Variants in MYO1F observed in about 807,000 individuals in gnomAD.
MYO1F encodes myosin IF.
A neutral mutation model predicts 146.6 loss-of-function variants in MYO1F; 60 were observed. The observed-to-expected ratio is 0.41, with a 90% CI of 0.33 to 0.51. MYO1F has a LOEUF of 0.51. Ranked by LOEUF, MYO1F falls within the 20% of genes least tolerant of loss-of-function variation. The pLI is 0.25. For missense variants in MYO1F, 1,274 were observed against 1,534.3 expected, an observed-to-expected ratio of 0.83 and a Z score of 2.83; for synonymous variants, 602 against 602.1, an observed-to-expected ratio of 1.00 and a Z score of 0.00.
In MYO1F at chr19:8,541,843, C is replaced by T. The variant is rs142090633; in HGVS notation, c.1610+63G>A. The T allele has an allele frequency of 1.7e-4, 249 of 1,471,186 alleles. No individual in the cohort carries two copies. In the African/African-American group the frequency reaches 2.4e-3, roughly 14 times the overall value. The allele number at this position is 1,471,186 out of a possible 1,614,324, so 91.1% of individuals were successfully genotyped here. ...GTTCTGGGTAAGATGGAGTGGGGCC[C>T]GGTCCTCCCTCCATCCCCTTGGGGG... On this transcript the variant is annotated intron_variant, in intron 15 of 27. Transcript: ENST00000644032.
At chr19:8,532,252 G>A (rs986689651) in intron 19 of MYO1F, among the ~76,000 whole-genome samples, 4 of 152,158 alleles carry the variant, frequency 2.6e-5, no homozygotes, top group South Asian at 2.1e-4. Flanking sequence ...ACAGCCATCC[G>A]TAGCAGGCCC....
chr19:8,542,242 AG>A (rs1270969165), intron 14 of MYO1F, among the ~76,000 whole-genome samples: 1 of 141,204 alleles, frequency 7.1e-6, no homozygotes, highest in Non-Finnish European at 1.5e-5. Context: ...GTCAGAGGTA[AG>A]GGGAGGTGGG....
chr19:8,535,583 A>C (rs1972669553), intron 19 of MYO1F, among the ~76,000 whole-genome samples: 1 of 150,462 alleles, frequency 6.6e-6, no homozygotes, highest in Non-Finnish European at 1.5e-5. Context: ...TGCTAGTTTT[A>C]TTTTGCCTTT....
At chr19:8,575,327 G>A (rs2042220646) in intron 1 of MYO1F, among the ~76,000 whole-genome samples, 1 of 151,670 alleles carries the variant, frequency 6.6e-6, no homozygotes, top group Non-Finnish European at 1.5e-5. Flanking sequence ...TGCCCGCCTC[G>A]GCCTCCCAAA....
chr19:8,536,725 GT>G, intron 17 of MYO1F, 128 bp from the exon 18 acceptor site: 1 of 290,132 alleles, frequency 3.4e-6, no homozygotes, highest in Middle Eastern at 1.3e-3. Context: ...TGGGGGGTGA[GT>G]TCTGTGGTCT....
At chr19:8,526,739 C>T (rs1036633018) in intron 23 of MYO1F, 50 bp downstream of exon 23, 6 of 1,550,704 alleles carry the variant, frequency 3.9e-6, no homozygotes, top group Non-Finnish European at 5.2e-6. Flanking sequence ...GGAGAGGGTG[C>T]GCCGCGCCGA....
chr19:8,553,572 A>G, intron 4 of MYO1F, 135 bp from the exon 5 acceptor site: 3 of 735,972 alleles, frequency 4.1e-6, no homozygotes, highest in South Asian at 1.6e-5. Context: ...TGAACAAGAC[A>G]GATAAAATCT....
chr19:8,536,450 G>A (rs755109803), intron 18 of MYO1F, 49 bp downstream of exon 18: 1 of 1,609,108 alleles, frequency 6.2e-7, no homozygotes, highest in South Asian at 1.1e-5. Context: ...GGCCTGGCTG[G>A]GCGTTCTGAT....
chr19:8,562,150 C>T (rs934955928), intron 1 of MYO1F, among the ~76,000 whole-genome samples: 6 of 148,074 alleles, frequency 4.1e-5, no homozygotes, highest in Admixed American at 2.7e-4. Context: ...TTCTCCTGCC[C>T]GGCTAATTTT....
At chr19:8,534,655 T>G (rs1333209997) in intron 19 of MYO1F, among the ~76,000 whole-genome samples, 1 of 151,466 alleles carries the variant, frequency 6.6e-6, no homozygotes, top group Non-Finnish European at 1.5e-5. Context: ...AGATGGAGTC[T>G]CACTCTGTTG....
rs373905703 is a variant in MYO1F, at chr19:8,522,562, G to C, written c.3051-16C>G. ...CCTCTGCATGCTGTGGGCACAGGGG[G>C]TTTGAGTCACAGCCCCAGACACTCC... On this transcript the variant is annotated splice_polypyrimidine_tract_variant and intron_variant, in intron 26 of 27. Coordinates refer to ENST00000644032, the MANE Select transcript of MYO1F (RefSeq NM_012335.4). The C allele has an allele frequency of 6.2e-6, 10 of 1,609,872 alleles. No homozygotes were observed. Among genetic ancestry groups the C allele is most frequent in the Non-Finnish European group, 8.5e-6 (10 of 1,178,566 alleles).
chr19:8,547,835 G>T, intron 12 of MYO1F: 1 of 590,160 alleles, frequency 1.7e-6, no homozygotes, highest in Non-Finnish European at 3.0e-6. Context: ...ATTGCTGAAT[G>T]AATGAACTAA....
intron 13 of MYO1F, 104 bp from the exon 14 acceptor site, chr19:8,544,568 G>A (rs1316742676): frequency 8.3e-7 from 1 of 1,203,058 alleles, no homozygotes; most frequent in African/African-American, 1.5e-5. Flanking sequence ...GAGGAGTGGA[G>A]GGAGCTAGAG....
Position 8,536,840 on chromosome 19 carries a change from G to A in MYO1F, c.1799+109C>T, listed in dbSNP as rs1237596786. 5.2e-6 allele frequency: 4 copies of A among 773,280 alleles called. No homozygotes were observed. In the Admixed American group the frequency reaches 6.0e-5, roughly 12 times the overall value. The allele number at this position is 773,280 out of a possible 1,614,324, so 47.9% of individuals were successfully genotyped here. On this transcript the variant is annotated intron_variant, in intron 17 of 27. Transcript: ENST00000644032. ...GGTGGGGGATTGTGGGAGGGGCTGT[G>A]CTAGTCCCTGGGTCATCCTACAGGA...
In MYO1F at chr19:8,543,978, CTGGTGCTGGTGG is replaced by C. The variant is rs1433599615; in HGVS notation, c.1524+307_1524+318del. 1,494 of 166,982 alleles carry C rather than the reference CTGGTGCTGGTGG, an allele frequency of 8.9e-3. 10 individuals carry two copies. Among genetic ancestry groups the C allele is most frequent in the South Asian group, 0.023 (485 of 21,050 alleles). The allele number at this position is 166,982 out of a possible 1,614,324, so 10.3% of individuals were successfully genotyped here. A position where few individuals can be genotyped will look rare whatever the true frequency, so the allele number is the denominator to read the frequency against. On this transcript the variant is annotated intron_variant, in intron 14 of 27. Transcript: ENST00000644032. ...GGTGGTGGTGGTGGTGGTGCTGGTG[CTGGTGCTGGTGG>C]TGGTGCTGGTGGTGGCGGTGGCGGT...
intron 1 of MYO1F, among the ~76,000 whole-genome samples, chr19:8,563,727 G>T (rs1165847160): frequency 1.3e-5 from 2 of 151,814 alleles, no homozygotes; most frequent in Middle Eastern, 3.4e-3. Flanking sequence ...GGTCAGGCTG[G>T]TCTGGAACTC....
Position 8,530,527 on chromosome 19 carries a change from G to A in MYO1F, c.2090C>T (p.Ala697Val), listed in dbSNP as rs1177544539. 1 of 1,613,338 alleles carries A rather than the reference G, an allele frequency of 6.2e-7. No individual in the cohort carries two copies. The highest frequency in any genetic ancestry group is 8.5e-7 in the Non-Finnish European group (1 of 1,180,038). ...EVRERKFDGF[A>V]RTIQKAWRRH... is the part of the protein sequence containing the mutation. ...CCGCCAGGCCTTCTGGATGGTTCGGGCAAAGCCATCGAACTTTCGCTCTCG... is the reference window on the plus strand; with the variant it reads ...CCGCCAGGCCTTCTGGATGGTTCGGACAAAGCCATCGAACTTTCGCTCTCG... The change falls in exon 20 of 28, where the codon GCC becomes GTC. Residue 697 changes from alanine (A) to valine (V), a missense_variant. Physicochemically the swap from Ala to Val is moderately conservative, Grantham distance 64. Transcript: ENST00000644032. The surrounding 1 kb of genome is among the most constrained non-coding windows in gnomAD (Gnocchi z 5.8).
chr19:8,564,747 G>T (rs982042299), intron 1 of MYO1F, among the ~76,000 whole-genome samples: 3 of 151,466 alleles, frequency 2.0e-5, no homozygotes, highest in Admixed American at 6.6e-5. Context: ...GAGAAGTGGG[G>T]TCAGGGGAGC....
At chr19:8,575,265 C>T (rs1401299503) in intron 1 of MYO1F, among the ~76,000 whole-genome samples, 2 of 151,330 alleles carry the variant, frequency 1.3e-5, no homozygotes, top group East Asian at 1.9e-4. Flanking sequence ...TTAGGAGAGA[C>T]GGGGTCTCAC....
Sources: allele counts gnomAD v4.1 joint callset (sites outside exome capture counted in the v4.1 genomes callset), GRCh38; gene constraint gnomAD v4.1.1; non-coding constraint Gnocchi (gnomAD v3.1); transcripts MANE v1.5; gene names NCBI Gene and HGNC (gene_info 2026-07-23, HGNC 2026-07-21).